The following CDH26 variants were observed in gnomAD, a reference collection of about 807,000 sequenced individuals.
CDH26 encodes cadherin 26, also known as cadherin-like protein 26.
Under a neutral mutation model 90.3 loss-of-function variants are expected in CDH26, and 83 were observed. That is an observed-to-expected ratio of 0.92 (90% CI 0.77 to 1.10). The LOEUF is 1.10. Ranked by LOEUF, CDH26 falls within the 50% of genes least tolerant of loss-of-function variation. CDH26 has a pLI of 0.00. For synonymous variants in CDH26, 397 were observed against 396.3 expected, an observed-to-expected ratio of 1.00 and a Z score of -0.02; for missense variants, 1,013 against 1,037.6, an observed-to-expected ratio of 0.98 and a Z score of 0.33.
In CDH26 at chr20:59,992,232, C is replaced by T. The variant is rs115124644; in HGVS notation, c.1284-146C>T. 2.4e-4 allele frequency: 180 copies of T among 758,106 alleles called. No homozygotes were observed. In the African/African-American group the frequency reaches 2.9e-3, roughly 12 times the overall value. 47.0% of individuals were successfully genotyped at this position (758,106 alleles called of 1,614,324 possible). Reference sequence around the variant, plus strand: ...ATTCCTTTCGTGAATTAAACACTCTCGTAGTTTAATTGCTCTTAGAATTTC... The same window carrying T: ...ATTCCTTTCGTGAATTAAACACTCTTGTAGTTTAATTGCTCTTAGAATTTC... On this transcript the variant is annotated intron_variant, in intron 9 of 17. Coordinates refer to ENST00000348616, the MANE Select transcript of CDH26 (RefSeq NM_177980.4). This position sits in a 1 kb window ranked among gnomAD's most constrained non-coding sequence, Gnocchi z 5.0.
In CDH26 at chr20:59,970,172, A is replaced by G; in HGVS notation, c.217A>G (p.Lys73Glu). 6.2e-7 allele frequency: 1 copy of G among 1,614,016 alleles called. No individual in the cohort carries two copies. The highest frequency in any genetic ancestry group is 2.2e-5 in the East Asian group (1 of 44,868). Residue 73 changes from lysine to glutamate, a missense_variant, in exon 3 of 18, where the codon AAA (lysine) becomes GAA (glutamate). Transcript: ENST00000348616. ...GGAGGAAGACCCGGGACCCTTTCCCAAACTCATTGGTGAGGTAAGGTGCCT... is the reference window on the plus strand; with the variant it reads ...GGAGGAAGACCCGGGACCCTTTCCCGAACTCATTGGTGAGGTAAGGTGCCT... ...LEEEDPGPFP[K>E]LIGELFNNMS...
rs180773393 is a variant in CDH26, at chr20:60,011,858, G to C, written c.2296-669G>C. Among the ~76,000 whole-genome samples the C allele has an allele frequency of 1.6e-3, 246 of 152,248 alleles. 1 individual carries two copies. The highest frequency in any genetic ancestry group is 5.6e-3 in the African/African-American group (233 of 41,538). On this transcript the variant is annotated intron_variant, in intron 17 of 17. Coordinates refer to ENST00000348616, the MANE Select transcript of CDH26 (RefSeq NM_177980.4). The stretch of plus-strand genomic sequence containing the variant: ...TGTGGATGTCCTTGTGGAGCTGTCT[G>C]GTTGGAATTCTGGCTCTGGATGTGA...
At chr20:60,009,213 G>A (rs562677381) in intron 17 of CDH26, among the ~76,000 whole-genome samples, 1 of 152,328 alleles carries the variant, frequency 6.6e-6, no homozygotes, top group South Asian at 2.1e-4. Context: ...CAGAAATGGG[G>A]CACAGAGTGG....
intron 5 of CDH26, 31 bp downstream of exon 5, chr20:59,983,101 CT>C: frequency 6.2e-7 from 1 of 1,608,886 alleles, no homozygotes; most frequent in Non-Finnish European, 8.5e-7. Context: ...GCCGGGCTTC[CT>C]TCTGTCTCTG....
At chr20:59,981,747 C>G (rs966563706) in intron 4 of CDH26, among the ~76,000 whole-genome samples, 4 of 152,002 alleles carry the variant, frequency 2.6e-5, no homozygotes, top group Non-Finnish European at 4.4e-5. Flanking sequence ...AAAAATTTGA[C>G]TTTGTATTAT....
chr20:60,014,003 G>A lies in CDH26; in HGVS notation c.*1273G>A, dbSNP rs1258586854. 1 of 120,682 alleles carries A rather than the reference G, an allele frequency of 8.3e-6. No homozygotes were observed. The highest frequency in any genetic ancestry group is 1.9e-5 in the Non-Finnish European group (1 of 53,350). The allele number at this position is 120,682 out of a possible 1,614,324, so 7.5% of individuals were successfully genotyped here. Reference sequence around the variant, plus strand: ...TCTAGGGCATTTTCTGGGTAATTCAGGATAAAAGTATTTTTTTTTTTAAGA... The same window carrying A: ...TCTAGGGCATTTTCTGGGTAATTCAAGATAAAAGTATTTTTTTTTTTAAGA... On this transcript the variant is annotated 3_prime_UTR_variant, in exon 18 of 18. Transcript: ENST00000348616.
intron 1 of CDH26, among the ~76,000 whole-genome samples, chr20:59,961,037 C>G (rs2061064498): frequency 6.6e-6 from 1 of 152,204 alleles, no homozygotes; most frequent in Non-Finnish European, 1.5e-5. Context: ...TTCTTGGTCA[C>G]ATTTTGCCAT....
intron 2 of CDH26, among the ~76,000 whole-genome samples, chr20:59,969,777 A>G (rs978389871): frequency 6.6e-6 from 1 of 152,228 alleles, no homozygotes; most frequent in Non-Finnish European, 1.5e-5. Flanking sequence ...TTGCATGTCT[A>G]CTATAGGACA....
chr20:59,965,685 T>C (rs1021527929), intron 1 of CDH26, among the ~76,000 whole-genome samples: 1 of 152,220 alleles, frequency 6.6e-6, no homozygotes, highest in Non-Finnish European at 1.5e-5. Context: ...AAGGGAGGAA[T>C]ATTTTAATAA....
In CDH26 at chr20:59,995,888, G is replaced by A. The variant is rs1190616832; in HGVS notation, c.1722G>A (p.Val574=). The A allele has an allele frequency of 6.2e-7, 1 of 1,614,232 alleles. No individual in the cohort carries two copies. The highest frequency in any genetic ancestry group is 1.1e-5 in the South Asian group (1 of 91,080). ...LRSLPRGNYL[V]PLFIGDKQGL... is the part of the protein sequence containing the mutation. ...GCCTGCCACGTGGTAATTACTTGGT[G>A]CCACTCTTCATTGGAGACAAACAGG... Residue 574 remains valine, a synonymous_variant, in exon 12 of 18, where the codon GTG becomes GTA. Coordinates refer to ENST00000348616, the MANE Select transcript of CDH26 (RefSeq NM_177980.4).
chr20:59,985,271 A>T, intron 7 of CDH26, 142 bp downstream of exon 7: 3 of 1,041,834 alleles, frequency 2.9e-6, no homozygotes, highest in Non-Finnish European at 4.0e-6. Flanking sequence ...TTTATAAAGA[A>T]AAGAGGTTTA....
At chr20:60,019,254 T>C (rs552895883), downstream of CDH26, among the ~76,000 whole-genome samples, 1 of 152,328 alleles carries the variant, frequency 6.6e-6, no homozygotes, top group African/African-American at 2.4e-5. Flanking sequence ...TGCCTATCTG[T>C]TCAACAGGAA....
Position 59,995,934 on chromosome 20 carries a change from G to A in CDH26, c.1768G>A (p.Val590Ile), listed in dbSNP as rs763671994. 1.2e-6 allele frequency: 2 copies of A among 1,614,238 alleles called. No homozygotes were observed. Among genetic ancestry groups the A allele is most frequent in the South Asian group, 1.1e-5 (1 of 91,088 alleles). The change falls in exon 12 of 18, where the codon GTC (valine) becomes ATC (isoleucine). Residue 590 changes from valine to isoleucine, a missense_variant. By Grantham distance (29) the Val-to-Ile change is conservative. Transcript: ENST00000348616. ...DKQGLSQKQT[V>I]HVRICPCASG... ...ACAGGGACTTTCCCAGAAGCAAACT[G>A]TCCATGTAAGGATCTGCCCCTGTGC...
chr20:60,031,241 G>T (rs1451974318), exon 8 of CDH26: 1 of 1,219,442 alleles, frequency 8.2e-7, no homozygotes, highest in Non-Finnish European at 1.0e-6. Flanking sequence ...TCTAAAGAGA[G>T]AAATCGCTTC....
intron 16 of CDH26, among the ~76,000 whole-genome samples, chr20:60,004,204 G>A (rs932524812): frequency 6.6e-6 from 1 of 152,158 alleles, no homozygotes; most frequent in African/African-American, 2.4e-5. Context: ...AGCTTACCTT[G>A]GTATGATGTG....
chr20:59,987,571 A>T lies in CDH26; in HGVS notation c.956A>T (p.Asn319Ile). 6.2e-7 allele frequency: 1 copy of T among 1,614,084 alleles called. No homozygotes were observed. The highest frequency in any genetic ancestry group is 1.1e-5 in the South Asian group (1 of 91,052). ...GCAAAATTCAACATATTGCATGGCA[A>T]TGAAGAGGGGCATTTTGACATTTCG... ...WRAKFNILHG[N>I]EEGHFDISTD... Residue 319 changes from asparagine (N) to isoleucine (I), a missense_variant, in exon 8 of 18, where the codon AAT becomes ATT. Transcript: ENST00000348616.
intron 1 of CDH26, among the ~76,000 whole-genome samples, chr20:59,966,593 C>T (rs993002000): frequency 2.6e-5 from 4 of 152,160 alleles, no homozygotes; most frequent in African/African-American, 9.7e-5. Context: ...GGTACCACTG[C>T]CTTCATTTGT....
At chr20:59,996,387 C>A in intron 12 of CDH26, 1 of 1,476,784 alleles carries the variant, frequency 6.8e-7, no homozygotes, top group South Asian at 1.4e-5. Flanking sequence ...AAGAAAGCAG[C>A]TTTTCCAAGA....
intron 7 of CDH26, among the ~76,000 whole-genome samples, chr20:60,027,460 A>G (rs546443061): frequency 6.6e-6 from 1 of 151,592 alleles, no homozygotes; most frequent in East Asian, 1.9e-4. Flanking sequence ...CTTCCTCTAT[A>G]TCCTCTTTCT....
Sources: gnomAD v4.1 joint callset for allele counts (sites outside exome capture counted in the v4.1 genomes callset) on GRCh38, gnomAD v4.1.1 for gene constraint, Gnocchi (gnomAD v3.1) non-coding constraint, MANE v1.5 for transcripts, NCBI Gene and HGNC (gene_info 2026-07-23, HGNC 2026-07-21) for gene names.